CACNB4: variants seen among roughly 807,000 people sequenced by gnomAD.
CACNB4 encodes voltage-dependent L-type calcium channel subunit beta-4.
In CACNB4, 32 loss-of-function variants were observed where a neutral mutation model predicts 71.2. The ratio of observed to expected loss-of-function variants is 0.45; its 90% confidence interval spans 0.34 to 0.60. The LOEUF (loss-of-function observed/expected upper bound fraction) is 0.60. Among genes scored for constraint, CACNB4 ranks in the 20% least tolerant of loss-of-function variants. The pLI is 0.01. For synonymous variants in CACNB4, 231 were observed against 236.9 expected (o/e 0.97, Z 0.23); for missense variants, 464 against 647.9 (o/e 0.72, Z 3.08).
At chr2:151,921,574 G>T (rs775787319) in intron 2 of CACNB4, among the ~76,000 whole-genome samples, 36 of 152,314 alleles carry the variant, frequency 2.4e-4, no homozygotes, top group South Asian at 4.1e-4. Flanking sequence ...CTCTAAGGGA[G>T]GATCTGTTTC....
At chr2:151,868,412 A>G (rs1215470403) in intron 9 of CACNB4, 1 of 152,186 alleles carries the variant, frequency 6.6e-6, no homozygotes, top group Non-Finnish European at 1.5e-5. Context: ...TTATTTTTAC[A>G]TGGACTGCAT....
In CACNB4 at chr2:151,870,606, C is replaced by T. The variant is rs1180528182; in HGVS notation, c.624G>A (p.Glu208=). The change falls in exon 8 of 14, where the codon GAG becomes GAA. Residue 208 remains glutamate, a synonymous_variant. Transcript: ENST00000539935. ...STAKQKQKVT[E]HIPPYDVVPS... is the part of the protein sequence containing the mutation. ...GTACAACATCGTAAGGAGGAATGTG[C>T]TCCGTCTGAAAAAGATGATTCGACA... The T allele has an allele frequency of 1.2e-6, 2 of 1,613,270 alleles. No homozygotes were observed. Among genetic ancestry groups the T allele is most frequent in the Non-Finnish European group, 1.7e-6 (2 of 1,179,492 alleles).
intron 2 of CACNB4, among the ~76,000 whole-genome samples, chr2:152,006,405 T>C (rs1307563249): frequency 6.6e-6 from 1 of 150,732 alleles, no homozygotes; most frequent in East Asian, 1.9e-4. Flanking sequence ...TTCTTTCTTT[T>C]TTTTTTTTTT....
intron 2 of CACNB4, among the ~76,000 whole-genome samples, chr2:152,071,234 G>A (rs1686670477): frequency 6.6e-6 from 1 of 152,158 alleles, no homozygotes; most frequent in Non-Finnish European, 1.5e-5. Flanking sequence ...TTTTAAAAAG[G>A]GGGAAAAATA....
chr2:151,853,206 A>G, intron 12 of CACNB4: 1 of 402,522 alleles, frequency 2.5e-6, no homozygotes, highest in Non-Finnish European at 4.4e-6. Context: ...CAAACAAGGT[A>G]GCAGTGAGAA....
rs1281434334 is a variant in CACNB4 at position 151,974,549 on chromosome 2, T to C, written c.148-91179A>G. ...CCAAAAACTTCTCAACTTTTAGATGTGAAATGTTTAATGCTCTTTAGTTGA... is the reference window on the plus strand; with the variant it reads ...CCAAAAACTTCTCAACTTTTAGATGCGAAATGTTTAATGCTCTTTAGTTGA... On this transcript the variant is annotated intron_variant, in intron 2 of 13. Transcript: ENST00000539935. Among the ~76,000 whole-genome samples, 4 of 152,348 alleles carry C rather than the reference T, an allele frequency of 2.6e-5. No homozygotes were observed. In the East Asian group the frequency reaches 7.7e-4, roughly 29 times the overall value.
At position 151,896,528 on chromosome 2, in the gene CACNB4, T is replaced by C. The variant is rs140475006; in HGVS notation, c.148-13158A>G. ...CACTGCTTTCCTCGTTTGACTTTTG[T>C]GGCCTTGATGGTAACCACACGATAC... On this transcript the variant is annotated intron_variant, in intron 2 of 13. Transcript: ENST00000539935. 1.4e-4 allele frequency among the ~76,000 whole-genome samples: 21 copies of C among 152,312 alleles called. No homozygotes were observed. The East Asian group carries it at 4.1e-3, about 29-fold the overall frequency.
chr2:152,063,483 G>T lies in CACNB4; in HGVS notation c.147+34847C>A, dbSNP rs1355460426. On this transcript the variant is annotated intron_variant, in intron 2 of 13. Transcript: ENST00000539935. ...GAACCCAGGCAATCTTGCTCTAGAG[G>T]CTGTTTGGAAAATCACACTGCACCA... 5.3e-5 allele frequency among the ~76,000 whole-genome samples: 8 copies of T among 152,242 alleles called. No individual in the cohort carries two copies. The East Asian group carries it at 1.5e-3, about 29-fold the overall frequency.
At chr2:152,077,079 G>A (rs185289282) in intron 2 of CACNB4, among the ~76,000 whole-genome samples, 2 of 152,218 alleles carry the variant, frequency 1.3e-5, no homozygotes, top group Admixed American at 1.3e-4. Context: ...TCCAGAAGGA[G>A]AGCAGAAGTG....
At chr2:151,899,932 G>A (rs1478057206) in intron 2 of CACNB4, among the ~76,000 whole-genome samples, 1 of 152,104 alleles carries the variant, frequency 6.6e-6, no homozygotes, top group Non-Finnish European at 1.5e-5. Context: ...TTATGAAGGA[G>A]AGTACAAAAA....
chr2:152,039,278 G>A (rs906842000), intron 2 of CACNB4, among the ~76,000 whole-genome samples: 2 of 152,068 alleles, frequency 1.3e-5, no homozygotes, highest in Admixed American at 6.6e-5. Flanking sequence ...TTAGCCAGGT[G>A]TGGTGGTGGG....
At chr2:152,012,657 A>G (rs1447508716) in intron 2 of CACNB4, among the ~76,000 whole-genome samples, 2 of 152,140 alleles carry the variant, frequency 1.3e-5, no homozygotes, top group Non-Finnish European at 2.9e-5. Context: ...ATAAGGATAA[A>G]TAGAAAATAT....
chr2:152,028,888 T>C (rs1684113611), intron 2 of CACNB4, among the ~76,000 whole-genome samples: 1 of 152,220 alleles, frequency 6.6e-6, no homozygotes, highest in Non-Finnish European at 1.5e-5. Flanking sequence ...CTAAAGAAAG[T>C]ATTTGTCCAA....
At chr2:151,845,662 C>T (rs901659267) in intron 12 of CACNB4, among the ~76,000 whole-genome samples, 1 of 152,322 alleles carries the variant, frequency 6.6e-6, no homozygotes, top group Non-Finnish European at 1.5e-5. Flanking sequence ...GCAGAAGTCC[C>T]GGGCAGCGAA....
chr2:151,849,685 G>A (rs182601107), intron 12 of CACNB4, among the ~76,000 whole-genome samples: 6 of 152,282 alleles, frequency 3.9e-5, no homozygotes, highest in African/African-American at 7.2e-5. Flanking sequence ...GAGCTGCCAC[G>A]TAAGAGCCTG....
chr2:152,016,997 A>ATCCCAGCACTTTGGGAG, intron 2 of CACNB4, among the ~76,000 whole-genome samples: 50 of 139,914 alleles, frequency 3.6e-4, no homozygotes, highest in African/African-American at 1.6e-3. Flanking sequence ...TAGAACTGCA[A>ATCCCAGCACTTTGGGAG]GTTTAACCCA....
intron 2 of CACNB4, among the ~76,000 whole-genome samples, chr2:152,029,508 A>AG (rs1404647747): frequency 4.7e-4 from 9 of 19,172 alleles, no homozygotes; most frequent in African/African-American, 1.4e-3. Context: ...AAAAAAAAAA[A>AG]AAAGAAAAGA....
At chr2:151,993,667 CGATTCTCCTGCCTCA>C (rs1031781831) in intron 2 of CACNB4, among the ~76,000 whole-genome samples, 12 of 151,124 alleles carry the variant, frequency 7.9e-5, no homozygotes, top group African/African-American at 2.9e-4. Flanking sequence ...CAGGTTCAAG[CGATTCTCCTGCCTCA>C]GCCTCCCGAG....
intron 4 of CACNB4, chr2:151,880,581 G>A (rs1578610072): frequency 1.8e-6 from 1 of 551,750 alleles, no homozygotes; most frequent in East Asian, 3.3e-5. Flanking sequence ...TAATTTTAAG[G>A]TTGACTGTGA....
Sources: gnomAD v4.1 joint callset for allele counts (sites outside exome capture counted in the v4.1 genomes callset) on GRCh38, gnomAD v4.1.1 for gene constraint, MANE v1.5 for transcripts, NCBI Gene and HGNC (gene_info 2026-07-23, HGNC 2026-07-21) for gene names.